Variants in MAGI2 observed in about 807,000 individuals in gnomAD.
MAGI2 encodes membrane-associated guanylate kinase, WW and PDZ domain-containing protein 2.
MAGI2 carries 35 observed loss-of-function variants against 133.3 expected under a neutral mutation model. That is an observed-to-expected ratio of 0.26 (90% CI 0.20 to 0.35). The LOEUF (loss-of-function observed/expected upper bound fraction) is 0.35, where lower values mean the gene tolerates loss of function less well. Ranked by LOEUF, MAGI2 falls within the 10% of genes least tolerant of loss-of-function variation. The pLI is 1.00. For missense variants in MAGI2, 1,636 were observed against 1,863.4 expected (o/e 0.88, Z 2.25); for synonymous variants, 729 against 710.6 (o/e 1.03, Z -0.41).
chr7:78,320,582 C>T (rs551568837), intron 9 of MAGI2, among the ~76,000 whole-genome samples: 3 of 152,256 alleles, frequency 2.0e-5, no homozygotes, highest in East Asian at 1.9e-4. Flanking sequence ...CGTCCTCATG[C>T]TAAAAACTCT....
chr7:78,831,956 A>G (rs988982825), intron 2 of MAGI2, among the ~76,000 whole-genome samples: 4 of 152,188 alleles, frequency 2.6e-5, no homozygotes, highest in South Asian at 2.1e-4. Context: ...ATTTGGCTGC[A>G]TTTGAATTGG....
intron 2 of MAGI2, among the ~76,000 whole-genome samples, chr7:78,761,644 G>T (rs1458822850): frequency 1.3e-5 from 2 of 151,866 alleles, no homozygotes; most frequent in Non-Finnish European, 2.9e-5. Context: ...TTTTAGTAAA[G>T]ATGGGGTTTC....
rs1788296855 is a variant in MAGI2, at chr7:78,447,689, A to G, written c.1045+42072T>C. On this transcript the variant is annotated intron_variant, in intron 6 of 21. Coordinates refer to ENST00000354212, the MANE Select transcript of MAGI2 (RefSeq NM_012301.4). ...TAAGAAATCATCTGCAAAGACTAGGAGGAAGAATTAGCCAAGGACATTATT... is the reference window on the plus strand; with the variant it reads ...TAAGAAATCATCTGCAAAGACTAGGGGGAAGAATTAGCCAAGGACATTATT... Among the ~76,000 whole-genome samples the G allele has an allele frequency of 2.0e-5, 3 of 152,180 alleles. No individual in the cohort carries two copies. The South Asian group carries it at 6.2e-4, about 31-fold the overall frequency.
intron 2 of MAGI2, among the ~76,000 whole-genome samples, chr7:78,833,266 A>G (rs111357510): frequency 0.087 from 13,304 of 152,212 alleles, 770 homozygotes; most frequent in East Asian, 0.2. Flanking sequence ...CAGATGTTAC[A>G]TTAAAGAATT....
chr7:78,386,589 T>G (rs969941486), intron 6 of MAGI2, among the ~76,000 whole-genome samples: 2 of 152,118 alleles, frequency 1.3e-5, no homozygotes, highest in African/African-American at 2.4e-5. Flanking sequence ...TCCCACAAAT[T>G]AGGTAAGCCC....
chr7:78,427,277 T>G (rs1237614726), intron 6 of MAGI2, among the ~76,000 whole-genome samples: 1 of 152,092 alleles, frequency 6.6e-6, no homozygotes, highest in Non-Finnish European at 1.5e-5. Flanking sequence ...GGACTAAATA[T>G]TTTAATTAAA....
intron 1 of MAGI2, among the ~76,000 whole-genome samples, chr7:79,193,963 T>C (rs1827876960): frequency 6.6e-6 from 1 of 151,752 alleles, no homozygotes; most frequent in Admixed American, 6.6e-5. Flanking sequence ...TCTTTTTTTG[T>C]TTGTTTGTTT....
chr7:78,373,788 C>T (rs1794172869), intron 6 of MAGI2, among the ~76,000 whole-genome samples: 1 of 152,046 alleles, frequency 6.6e-6, no homozygotes, highest in Non-Finnish European at 1.5e-5. Flanking sequence ...TCTATTGTTG[C>T]CATCTTTATG....
chr7:79,243,890 C>T (rs1012151137), intron 1 of MAGI2, among the ~76,000 whole-genome samples: 8 of 152,112 alleles, frequency 5.3e-5, no homozygotes, highest in African/African-American at 1.9e-4. Flanking sequence ...AACTTATTTC[C>T]TAACTCCATG....
At chr7:79,116,032 G>A (rs1819386548) in intron 1 of MAGI2, among the ~76,000 whole-genome samples, 1 of 151,960 alleles carries the variant, frequency 6.6e-6, no homozygotes, top group Admixed American at 6.6e-5. Context: ...CCACTCAGCA[G>A]CGAGGCAGAC....
At chr7:78,234,329 A>T (rs1790281457) in intron 10 of MAGI2, among the ~76,000 whole-genome samples, 1 of 152,174 alleles carries the variant, frequency 6.6e-6, no homozygotes, top group Admixed American at 6.5e-5. Flanking sequence ...TGTAATGCTC[A>T]TTACAACCCA....
intron 1 of MAGI2, among the ~76,000 whole-genome samples, chr7:79,150,576 A>G (rs1396993638): frequency 6.6e-6 from 1 of 152,192 alleles, no homozygotes; most frequent in Non-Finnish European, 1.5e-5. Context: ...CACATAAATA[A>G]TGTGTTCTAA....
intron 2 of MAGI2, among the ~76,000 whole-genome samples, chr7:78,662,869 T>C (rs2151046485): frequency 6.6e-6 from 1 of 152,342 alleles, no homozygotes; most frequent in East Asian, 1.9e-4. Flanking sequence ...TAATAATAAA[T>C]GCTGACATTT....
chr7:78,619,616 A>G (rs1018948277), intron 3 of MAGI2, among the ~76,000 whole-genome samples: 14 of 151,948 alleles, frequency 9.2e-5, no homozygotes, highest in African/African-American at 3.4e-4. Context: ...TACATTGCAT[A>G]TTTCAAAAAA....
chr7:78,394,452 C>T (rs11983137), intron 6 of MAGI2, among the ~76,000 whole-genome samples: 10,420 of 152,178 alleles, frequency 0.068, 388 homozygotes, highest in South Asian at 0.095. Flanking sequence ...GCCACAGAAA[C>T]CTTTCGTGCT....
chr7:79,194,967 G>T (rs1432484492), intron 1 of MAGI2, among the ~76,000 whole-genome samples: 1 of 151,906 alleles, frequency 6.6e-6, no homozygotes, highest in Non-Finnish European at 1.5e-5. Context: ...AGAAAGACAT[G>T]CCCAAAGTTC....
At chr7:79,412,709 T>A (rs1846223967) in intron 1 of MAGI2, 1 of 152,162 alleles carries the variant, frequency 6.6e-6, no homozygotes, top group South Asian at 2.1e-4. Context: ...TGTAACACAA[T>A]AATTTCACAT....
At chr7:78,703,924 T>C (rs1818336963) in intron 2 of MAGI2, among the ~76,000 whole-genome samples, 1 of 73,478 alleles carries the variant, frequency 1.4e-5, no homozygotes, top group Admixed American at 1.5e-4. Flanking sequence ...AAAAATCAAC[T>C]CGTTAGATTA....
chr7:78,231,283 G>C (rs1789940928), intron 10 of MAGI2, among the ~76,000 whole-genome samples: 2 of 152,176 alleles, frequency 1.3e-5, no homozygotes, highest in African/African-American at 4.8e-5. Context: ...AAGCTACCTG[G>C]TGGTGAGAAA....
Sources: allele counts gnomAD v4.1 joint callset (sites outside exome capture counted in the v4.1 genomes callset), GRCh38; gene constraint gnomAD v4.1.1; transcripts MANE v1.5; gene names NCBI Gene and HGNC (gene_info 2026-07-23, HGNC 2026-07-21).